The following USP32 variants were observed in gnomAD, a reference collection of about 807,000 sequenced individuals.
USP32 encodes ubiquitin carboxyl-terminal hydrolase 32.
USP32 carries 59 observed loss-of-function variants against 204.8 expected under a neutral mutation model. That is an observed-to-expected ratio of 0.29 (90% CI 0.23 to 0.36). The LOEUF is 0.36. USP32 is among the 10% of genes least tolerant of loss of function. The pLI is 1.00. For missense variants in USP32, 1,160 were observed against 1,946.4 expected, an observed-to-expected ratio of 0.60 and a Z score of 7.60; for synonymous variants, 517 against 678.4, an observed-to-expected ratio of 0.76 and a Z score of 3.70.
At chr17:60,358,412 C>T (rs548544075) in intron 1 of USP32, among the ~76,000 whole-genome samples, 1 of 151,530 alleles carries the variant, frequency 6.6e-6, no homozygotes, top group Non-Finnish European at 1.5e-5. Flanking sequence ...CCATCTCTAC[C>T]AAAAATACAA....
chr17:60,256,199 GA>G (rs2086299244), intron 9 of USP32, among the ~76,000 whole-genome samples: 1 of 151,608 alleles, frequency 6.6e-6, no homozygotes, highest in African/African-American at 2.4e-5. Flanking sequence ...TAAAAATAAA[GA>G]AAATCCTCCA....
intron 5 of USP32, among the ~76,000 whole-genome samples, chr17:60,276,492 C>T (rs1431227221): frequency 6.6e-6 from 1 of 152,072 alleles, no homozygotes; most frequent in African/African-American, 2.4e-5. Flanking sequence ...AAGTTCTAAA[C>T]TCTTCCAAGT....
intron 3 of USP32, among the ~76,000 whole-genome samples, chr17:60,301,296 C>G (rs2087566921): frequency 6.6e-6 from 1 of 152,210 alleles, no homozygotes. Context: ...AGTTGCTGCA[C>G]TACTTTATAC....
rs1449327239 is a variant in USP32 at position 60,208,740 on chromosome 17, CAT to C, written c.2685_2686del (p.Cys896TrpfsTer8). ...GTCAAATCGGACACTTATATGCCCA[CAT>C]GTCTTGCATTTTACTTGAGATCTTA... On this transcript the variant is annotated frameshift_variant, in exon 23 of 34. Coordinates refer to ENST00000300896, the MANE Select transcript of USP32 (RefSeq NM_032582.4). LOFTEE classifies it high-confidence loss of function. 1.9e-6 allele frequency: 3 copies of C among 1,607,472 alleles called. No individual in the cohort carries two copies. The Admixed American group carries it at 5.1e-5, about 27-fold the overall frequency.
In USP32 at chr17:60,178,590, A is replaced by G. The variant is rs2084025042; in HGVS notation, c.*665T>C. Among the ~76,000 whole-genome samples, 2 of 152,230 alleles carry G rather than the reference A, an allele frequency of 1.3e-5. No homozygotes were observed. Among genetic ancestry groups the G allele is most frequent in the South Asian group, 4.1e-4 (2 of 4,832 alleles). On this transcript the variant is annotated 3_prime_UTR_variant, in exon 34 of 34. Coordinates refer to ENST00000300896, the MANE Select transcript of USP32 (RefSeq NM_032582.4). ...CTGGGTGGAAGGCACACAGCTCTTA[A>G]GAGAGCCTCCCTTTCAGACTGACCA...
intron 11 of USP32, among the ~76,000 whole-genome samples, chr17:60,238,838 G>T (rs1412068899): frequency 6.6e-6 from 1 of 151,544 alleles, no homozygotes; most frequent in Non-Finnish European, 1.5e-5. Flanking sequence ...TGGTTGTGGT[G>T]GTGCACGCCT....
intron 4 of USP32, among the ~76,000 whole-genome samples, chr17:60,289,520 T>C (rs1204004723): frequency 6.6e-6 from 1 of 152,212 alleles, no homozygotes; most frequent in East Asian, 1.9e-4. Context: ...ACTGAAAACA[T>C]GTATGTACAC....
intron 1 of USP32, among the ~76,000 whole-genome samples, chr17:60,406,797 A>C (rs191869465): frequency 2.8e-4 from 42 of 152,162 alleles, no homozygotes; most frequent in Admixed American, 1.3e-3. Flanking sequence ...TACAGACATG[A>C]GCCACTGCGC....
intron 11 of USP32, among the ~76,000 whole-genome samples, chr17:60,246,413 A>ATATTT (rs1203917798): frequency 1.8e-4 from 25 of 142,732 alleles, no homozygotes; most frequent in African/African-American, 6.0e-4. Flanking sequence ...ATATATATAT[A>ATATTT]TTTTTTTTTT....
chr17:60,244,243 C>T (rs953264055), intron 11 of USP32, among the ~76,000 whole-genome samples: 4 of 151,866 alleles, frequency 2.6e-5, no homozygotes, highest in Non-Finnish European at 5.9e-5. Context: ...TGGTCTCAAT[C>T]TCCTCACCTT....
intron 32 of USP32, 74 bp from the exon 33 acceptor site, chr17:60,180,711 A>G (rs2084086595): frequency 9.1e-6 from 13 of 1,428,740 alleles, no homozygotes; most frequent in Middle Eastern, 1.9e-4. Context: ...CTAGGATCTG[A>G]GCAGGAGAAC....
At chr17:60,294,891 C>G (rs965724058) in intron 3 of USP32, 90 bp from the exon 4 acceptor site, 2 of 751,100 alleles carry the variant, frequency 2.7e-6, no homozygotes, top group African/African-American at 3.5e-5. Context: ...GCTACAATAA[C>G]TGAGTGATTA....
intron 12 of USP32, among the ~76,000 whole-genome samples, chr17:60,232,246 C>T (rs1015015225): frequency 7.0e-5 from 10 of 141,994 alleles, no homozygotes; most frequent in African/African-American, 2.7e-4. Flanking sequence ...GATCTCGGCT[C>T]ACTGCAACCT....
chr17:60,400,182 C>T (rs1219295086), intron 1 of USP32, among the ~76,000 whole-genome samples: 1 of 152,146 alleles, frequency 6.6e-6, no homozygotes, highest in Non-Finnish European at 1.5e-5. Context: ...CCAGGCTGGT[C>T]TTGAACTCCT....
chr17:60,327,553 G>A (rs1057057995), intron 2 of USP32, among the ~76,000 whole-genome samples: 2 of 146,338 alleles, frequency 1.4e-5, no homozygotes, highest in South Asian at 2.4e-4. Context: ...GAGCAGCACG[G>A]TTGGGCAGGA....
chr17:60,316,839 T>C (rs2087993166), intron 2 of USP32, among the ~76,000 whole-genome samples: 1 of 151,974 alleles, frequency 6.6e-6, no homozygotes, highest in African/African-American at 2.4e-5. Context: ...AGACTTTGAC[T>C]CATAAAAACA....
rs2085382571 is a variant in USP32 at position 60,226,172 on chromosome 17, A to G, written c.1299T>C (p.Phe433=). 3 of 1,594,884 alleles carry G rather than the reference A, an allele frequency of 1.9e-6. No homozygotes were observed. The African/African-American group carries it at 4.1e-5, about 22-fold the overall frequency. The change falls in exon 13 of 34, where the codon TTT becomes TTC. Residue 433 remains phenylalanine (F), a synonymous_variant. Transcript: ENST00000300896. ...GCTCCATAGGATGGGCTGCAGTTCCAAATGAGTATTTTCCTCCATTCAAAA... is the reference window on the plus strand; with the variant it reads ...GCTCCATAGGATGGGCTGCAGTTCCGAATGAGTATTTTCCTCCATTCAAAA... ...SSVLNGGKYS[F]GTAAHPMEQV... is the part of the protein sequence containing the mutation.
rs551622334 is a variant in USP32, at chr17:60,369,255, A to T, written c.58+22627T>A. On this transcript the variant is annotated intron_variant, in intron 1 of 33. Transcript: ENST00000300896. Reference sequence around the variant, plus strand: ...GTGATCCGCCCGCCTCGGCCTCCCAAAGTGCTGGGATTACAGGCGTGAGCC... The same window carrying T: ...GTGATCCGCCCGCCTCGGCCTCCCATAGTGCTGGGATTACAGGCGTGAGCC... Among the ~76,000 whole-genome samples, 1,099 of 138,036 alleles carry T rather than the reference A, an allele frequency of 8.0e-3. 109 individuals are homozygous for T. The highest frequency in any genetic ancestry group is 0.036 in the African/African-American group (1,054 of 29,148). The allele number at this position is 138,036 out of a possible 152,430, so 90.6% of individuals were successfully genotyped here.
intron 2 of USP32, among the ~76,000 whole-genome samples, chr17:60,309,535 G>A (rs371948547): frequency 5.6e-4 from 85 of 152,198 alleles, no homozygotes; most frequent in African/African-American, 1.4e-3. Context: ...CCAGGAGGCC[G>A]ATGTTGCAGT....
Sources: allele counts gnomAD v4.1 joint callset (sites outside exome capture counted in the v4.1 genomes callset), GRCh38; gene constraint gnomAD v4.1.1; transcripts MANE v1.5; gene names NCBI Gene and HGNC (gene_info 2026-07-23, HGNC 2026-07-21).